Variants in ATAD2B observed in about 807,000 individuals in gnomAD.
The protein encoded by ATAD2B is ATPase family AAA domain-containing protein 2B.
Under a neutral mutation model 167.6 loss-of-function variants are expected in ATAD2B, and 40 were observed. That is an observed-to-expected ratio of 0.24 (90% CI 0.19 to 0.31). The LOEUF (loss-of-function observed/expected upper bound fraction) is 0.31, where lower values mean the gene tolerates loss of function less well. Among genes scored for constraint, ATAD2B ranks in the 10% least tolerant of loss-of-function variants. The pLI, the probability that ATAD2B is intolerant of heterozygous loss-of-function variation, is 1.00. For synonymous variants in ATAD2B, 579 were observed against 596.5 expected (o/e 0.97, Z 0.43); for missense variants, 1,242 against 1,757.2 (o/e 0.71, Z 5.24).
At chr2:23,684,559 G>A in the ATAD2B span, 2 of 1,538,296 alleles carry the variant, frequency 1.3e-6, no homozygotes, top group East Asian at 2.5e-5. This position sits in a 1 kb window ranked among gnomAD's most constrained non-coding sequence, Gnocchi z 4.4. Flanking sequence ...TTCCAGCTGT[G>A]GTCGGGTCTG....
chr2:23,773,006 T>C (rs1028405409), intron 22 of ATAD2B, among the ~76,000 whole-genome samples: 1 of 152,200 alleles, frequency 6.6e-6, no homozygotes, highest in Non-Finnish European at 1.5e-5. Context: ...TCTCCCAAAG[T>C]GCTGGGATTA....
intron 13 of ATAD2B, among the ~76,000 whole-genome samples, chr2:23,852,056 A>G (rs949726226): frequency 6.6e-6 from 1 of 152,172 alleles, no homozygotes; most frequent in Admixed American, 6.5e-5. Context: ...GGTGAAATGA[A>G]CAAATTCCTT....
intron 10 of ATAD2B, chr2:23,865,849 A>G: frequency 4.9e-6 from 1 of 202,884 alleles, no homozygotes; most frequent in Non-Finnish European, 8.7e-6. Flanking sequence ...CCCACCCATA[A>G]TAGTTTAAAT....
chr2:23,689,555 C>A, the ATAD2B span: 1 of 152,510 alleles, frequency 6.6e-6, no homozygotes, highest in African/African-American at 2.4e-5. Flanking sequence ...TCCCCCTGGG[C>A]TCAGCCCTTC....
chr2:23,887,438 TAA>T (rs1158073515), intron 4 of ATAD2B, among the ~76,000 whole-genome samples: 1 of 152,204 alleles, frequency 6.6e-6, no homozygotes, highest in African/African-American at 2.4e-5. Flanking sequence ...GAACAATACT[TAA>T]GTTTTAATAG....
chr2:23,859,645 T>G (rs990742364), intron 12 of ATAD2B, among the ~76,000 whole-genome samples: 15 of 152,160 alleles, frequency 9.9e-5, no homozygotes, highest in Non-Finnish European at 1.3e-4. Flanking sequence ...CCTCCAAAAC[T>G]CATGTTGAAA....
intron 21 of ATAD2B, among the ~76,000 whole-genome samples, chr2:23,784,614 A>T (rs553366390): frequency 2.0e-5 from 3 of 152,154 alleles, no homozygotes; most frequent in Non-Finnish European, 4.4e-5. Context: ...TACTCTCAGC[A>T]TGGGAAGTTG....
intron 22 of ATAD2B, among the ~76,000 whole-genome samples, chr2:23,766,930 A>AC (rs1280698361): frequency 1.1e-3 from 163 of 151,848 alleles, no homozygotes; most frequent in African/African-American, 3.8e-3. Context: ...GAAAAAAAAA[A>AC]AAACAACTAG....
chr2:23,913,930 G>A (rs966473062), intron 1 of ATAD2B, among the ~76,000 whole-genome samples: 1 of 151,988 alleles, frequency 6.6e-6, no homozygotes, highest in Non-Finnish European at 1.5e-5. Context: ...TCACGCCAGG[G>A]CACTCAAGCC....
chr2:23,872,914 C>G, intron 8 of ATAD2B: 1 of 771,606 alleles, frequency 1.3e-6, no homozygotes, highest in Non-Finnish European at 2.4e-6. Flanking sequence ...CTCCTTATGG[C>G]CCGCCGGGCT....
At chr2:23,780,179 C>T (rs1679783246) in intron 22 of ATAD2B, among the ~76,000 whole-genome samples, 1 of 151,390 alleles carries the variant, frequency 6.6e-6, no homozygotes, top group African/African-American at 2.4e-5. Context: ...GCCCAGGAGA[C>T]AAAGGTTGCA....
At chr2:23,910,791 C>A (rs1380796175) in intron 1 of ATAD2B, among the ~76,000 whole-genome samples, 1 of 151,902 alleles carries the variant, frequency 6.6e-6, no homozygotes, top group Non-Finnish European at 1.5e-5. Flanking sequence ...TCGCTTGAAC[C>A]TAGGAGGCGG....
chr2:23,691,446 A>G, the ATAD2B span: 10 of 587,136 alleles, frequency 1.7e-5, no homozygotes, highest in African/African-American at 1.3e-4. Context: ...TTGCATGGAC[A>G]TGCCGAGTAG....
intron 9 of ATAD2B, among the ~76,000 whole-genome samples, chr2:23,868,413 A>C (rs1026377538): frequency 2.6e-4 from 39 of 152,230 alleles, no homozygotes; most frequent in African/African-American, 8.7e-4. Context: ...TGATCCTCCC[A>C]CCTCAGCCTT....
At chr2:23,879,487 G>A (rs1697533168) in intron 7 of ATAD2B, among the ~76,000 whole-genome samples, 1 of 152,064 alleles carries the variant, frequency 6.6e-6, no homozygotes, top group Admixed American at 6.6e-5. Context: ...TACACCTGTA[G>A]TTCTAGCTAT....
At chr2:23,888,053 CA>C in intron 3 of ATAD2B, 68 bp from the exon 4 acceptor site, 2 of 1,084,378 alleles carry the variant, frequency 1.8e-6, no homozygotes, top group Non-Finnish European at 2.5e-6. Context: ...AAAAAAAAAT[CA>C]AAAAATTACT....
At position 23,769,711 on chromosome 2, in the gene ATAD2B, G is replaced by GATTTTTTTTTTTTTTTTTTTT. The variant is rs199842019; in HGVS notation, c.3134-4084_3134-4083insAAAAAAAAAAAAAAAAAAAAT. The stretch of plus-strand genomic sequence containing the variant: ...AAGTGTTTAATGGTGTCTCACTGTG[G>GATTTTTTTTTTTTTTTTTTTT]GTTTTTTTTTTTTTTTTTTTTTGAG... On this transcript the variant is annotated intron_variant, in intron 22 of 27. Transcript: ENST00000238789. Among the ~76,000 whole-genome samples, 12 of 129,836 alleles carry GATTTTTTTTTTTTTTTTTTTT rather than the reference G, an allele frequency of 9.2e-5. 3 individuals are homozygous for GATTTTTTTTTTTTTTTTTTTT. The highest frequency in any genetic ancestry group is 1.0e-4 in the Non-Finnish European group (6 of 60,084). 85.2% of individuals were successfully genotyped at this position (129,836 alleles called of 152,430 possible). A position where few individuals can be genotyped will look rare whatever the true frequency, so the allele number is the denominator to read the frequency against.
chr2:23,797,516 G>A (rs73922014), intron 19 of ATAD2B, among the ~76,000 whole-genome samples: 3,894 of 152,122 alleles, frequency 0.026, 181 homozygotes, highest in African/African-American at 0.089. Context: ...GGATGAAAAG[G>A]ATATAACTGA....
the ATAD2B span, among the ~76,000 whole-genome samples, chr2:23,716,151 A>G: frequency 6.6e-6 from 1 of 152,232 alleles, no homozygotes; most frequent in African/African-American, 2.4e-5. Context: ...CTATTATCTC[A>G]TATCAAAATT....
Sources: allele counts gnomAD v4.1 joint callset (sites outside exome capture counted in the v4.1 genomes callset), GRCh38; gene constraint gnomAD v4.1.1; non-coding constraint Gnocchi (gnomAD v3.1); transcripts MANE v1.5; gene names NCBI Gene and HGNC (gene_info 2026-07-23, HGNC 2026-07-21).